Variants in KCNC4 observed in about 807,000 individuals in gnomAD.
KCNC4 encodes potassium voltage-gated channel subfamily C member 4, also known as voltage-gated potassium channel KCNC4.
KCNC4 carries 23 observed loss-of-function variants against 42.8 expected under a neutral mutation model. The observed-to-expected ratio is 0.54, with a 90% confidence interval of 0.39 to 0.76. KCNC4 has a LOEUF of 0.76. KCNC4 is among the 30% of genes least tolerant of loss of function. KCNC4 has a pLI of 0.00. For missense variants in KCNC4, 751 were observed against 898.2 expected, an observed-to-expected ratio of 0.84 and a Z score of 2.10; for synonymous variants, 422 against 393.5, an observed-to-expected ratio of 1.07 and a Z score of -0.86.
chr1:110,260,780 A>C (rs1659410660), intron 1 of KCNC4, among the ~76,000 whole-genome samples: 2 of 152,196 alleles, frequency 1.3e-5, no homozygotes, highest in South Asian at 4.1e-4. Flanking sequence ...AATACAAAAA[A>C]TTAGCCGGGC....
chr1:110,244,308 G>A (rs1412486043), exon 4 of KCNC4: 3 of 152,192 alleles, frequency 2.0e-5, no homozygotes, highest in African/African-American at 7.2e-5. Context: ...AGGTTGCAGT[G>A]CACTATGATG....
chr1:110,269,573 T>A (rs1260881734), intron 1 of KCNC4, among the ~76,000 whole-genome samples: 1 of 152,196 alleles, frequency 6.6e-6, no homozygotes, highest in African/African-American at 2.4e-5. Context: ...AGTTTCAAGT[T>A]TGGGGCAATT....
intron 1 of KCNC4, among the ~76,000 whole-genome samples, chr1:110,274,736 A>C (rs76278890): frequency 0.02 from 3,034 of 152,272 alleles, 91 homozygotes; most frequent in African/African-American, 0.07. Flanking sequence ...TGATCTTTGA[A>C]AATGTCAACA....
chr1:110,250,668 C>T (rs150621895), downstream of KCNC4, among the ~76,000 whole-genome samples: 511 of 152,304 alleles, frequency 3.4e-3, 1 homozygote, highest in African/African-American at 0.011. Context: ...GTTATTCCTT[C>T]CTTTATTCAC....
At chr1:110,246,766 CTTTTTT>C (rs61165830) in exon 4 of KCNC4, 3 of 139,376 alleles carry the variant, frequency 2.2e-5, no homozygotes, top group African/African-American at 8.1e-5. Context: ...TTTTTCTTTT[CTTTTTT>C]TTTTTTTGGT....
At chr1:110,212,207 C>G in intron 1 of KCNC4, 30 bp downstream of exon 1, 1 of 1,435,630 alleles carries the variant, frequency 7.0e-7, no homozygotes, top group Non-Finnish European at 9.0e-7. Context: ...GTCTCCCCAT[C>G]TTGGGTCTGC....
chr1:110,259,245 C>T (rs12143927), intron 1 of KCNC4, among the ~76,000 whole-genome samples: 41,066 of 152,056 alleles, frequency 0.27, 5,744 homozygotes, highest in South Asian at 0.34. Context: ...CTAGGGCACA[C>T]GGGGAACCCA....
intron 3 of KCNC4, among the ~76,000 whole-genome samples, chr1:110,230,910 C>T (rs1379761238): frequency 6.6e-6 from 1 of 152,248 alleles, no homozygotes; most frequent in Non-Finnish European, 1.5e-5. Context: ...GTCAGGCTCA[C>T]CCAGGCCTTG....
At chr1:110,264,318 G>C (rs1228276773) in intron 1 of KCNC4, among the ~76,000 whole-genome samples, 1 of 152,212 alleles carries the variant, frequency 6.6e-6, no homozygotes, top group East Asian at 1.9e-4. Context: ...CAGGTCATAG[G>C]TGGATTCAAA....
In KCNC4 at chr1:110,223,589, C is replaced by G. The variant is rs1242870316; in HGVS notation, c.1304C>G (p.Thr435Arg). 1 of 1,614,052 alleles carries G rather than the reference C, an allele frequency of 6.2e-7. No homozygotes were observed. The highest frequency in any genetic ancestry group is 1.7e-5 in the Admixed American group (1 of 60,022). The change falls in exon 2 of 4, where the codon ACG (threonine) becomes AGG (arginine). Residue 435 changes from threonine (T) to arginine (R), a missense_variant. Physicochemically the swap from Thr to Arg is moderately conservative, Grantham distance 71 (BLOSUM62 -1). Coordinates refer to ENST00000438661, the MANE Select transcript of KCNC4 (RefSeq NM_001039574.3). The surrounding 1 kb of genome is among the most constrained non-coding windows in gnomAD (Gnocchi z 7.5). ...TTCTGGTGGGCTGTGGTCACCATGA[C>G]GACACTGGGCTACGGAGACATGTAC... is the stretch of plus-strand genomic sequence containing the variant. ...IGFWWAVVTM[T>R]TLGYGDMYPK... is the part of the protein sequence containing the mutation.
chr1:110,239,104 T>G (rs1658974156), exon 4 of KCNC4: 2 of 152,304 alleles, frequency 1.3e-5, no homozygotes, highest in Admixed American at 6.5e-5. Context: ...ATGTCACCCC[T>G]GCTTAGAACC....
downstream of KCNC4, among the ~76,000 whole-genome samples, chr1:110,250,407 G>A (rs1659230244): frequency 6.6e-6 from 1 of 152,156 alleles, no homozygotes; most frequent in Non-Finnish European, 1.5e-5. Flanking sequence ...TGTATGGCTT[G>A]CACCTACCAA....
intron 1 of KCNC4, among the ~76,000 whole-genome samples, chr1:110,259,293 C>CA (rs1282462176): frequency 6.6e-6 from 1 of 152,186 alleles, no homozygotes; most frequent in Non-Finnish European, 1.5e-5. Context: ...TTGTCTAAGG[C>CA]ATGATGAACA....
At chr1:110,268,257 C>T (rs1356162452) in intron 1 of KCNC4, among the ~76,000 whole-genome samples, 2 of 152,192 alleles carry the variant, frequency 1.3e-5, no homozygotes, top group East Asian at 3.9e-4. Flanking sequence ...GATCTTATCC[C>T]CTGTCAATCA....
chr1:110,215,208 G>A (rs1657721752), intron 1 of KCNC4, among the ~76,000 whole-genome samples: 1 of 152,246 alleles, frequency 6.6e-6, no homozygotes, highest in Admixed American at 6.5e-5. Flanking sequence ...CTACAGGCCT[G>A]GCCCAAGGAG....
intron 1 of KCNC4, among the ~76,000 whole-genome samples, chr1:110,267,428 C>T (rs531086169): frequency 6.6e-5 from 10 of 152,134 alleles, no homozygotes; most frequent in East Asian, 1.9e-4. Context: ...CCTTATTCCC[C>T]GCTGCCTCCA....
chr1:110,266,956 A>G (rs983217617), intron 1 of KCNC4, among the ~76,000 whole-genome samples: 3 of 152,224 alleles, frequency 2.0e-5, no homozygotes, highest in Non-Finnish European at 4.4e-5. Context: ...CTTGCAGGGC[A>G]GGCTGAGCAA....
chr1:110,280,882 C>T (rs1245993476), intron 1 of KCNC4, among the ~76,000 whole-genome samples: 2 of 152,294 alleles, frequency 1.3e-5, no homozygotes, highest in South Asian at 2.1e-4. Context: ...CCTGGCCCCA[C>T]GTAGACCAAA....
At chr1:110,264,603 C>T (rs1659506611) in intron 1 of KCNC4, among the ~76,000 whole-genome samples, 1 of 152,178 alleles carries the variant, frequency 6.6e-6, no homozygotes, top group African/African-American at 2.4e-5. Flanking sequence ...GGGAACCAAA[C>T]ATGACTTTAA....
Sources: allele counts gnomAD v4.1 joint callset (sites outside exome capture counted in the v4.1 genomes callset), GRCh38; gene constraint gnomAD v4.1.1; non-coding constraint Gnocchi (gnomAD v3.1); transcripts MANE v1.5; gene names NCBI Gene and HGNC (gene_info 2026-07-23, HGNC 2026-07-21).